Variants in PCCA observed in about 807,000 individuals in gnomAD.
PCCA encodes the protein propionyl-CoA carboxylase alpha chain, mitochondrial.
A neutral mutation model predicts 101.3 loss-of-function variants in PCCA; 74 were observed. That is an observed-to-expected ratio of 0.73 (90% CI 0.61 to 0.89). PCCA has a LOEUF of 0.89. Ranked by LOEUF, PCCA falls within the 40% of genes least tolerant of loss-of-function variation. The pLI is 0.00. For synonymous variants in PCCA, 294 were observed against 313.6 expected, an observed-to-expected ratio of 0.94 and a Z score of 0.66; for missense variants, 891 against 907.0, an observed-to-expected ratio of 0.98 and a Z score of 0.23.
chr13:100,318,934 A>G (rs1473010741), intron 16 of PCCA, among the ~76,000 whole-genome samples: 2 of 152,184 alleles, frequency 1.3e-5, no homozygotes, highest in East Asian at 1.9e-4. Flanking sequence ...TGGTTGAACT[A>G]GTTTACAGTC....
At chr13:100,427,009 C>A (rs1053726802) in intron 20 of PCCA, among the ~76,000 whole-genome samples, 2 of 152,102 alleles carry the variant, frequency 1.3e-5, no homozygotes, top group African/African-American at 4.8e-5. Context: ...TGAGGTGAAG[C>A]GTTCCAGACC....
At chr13:100,260,669 T>G (rs967799378) in intron 9 of PCCA, among the ~76,000 whole-genome samples, 4 of 152,092 alleles carry the variant, frequency 2.6e-5, no homozygotes, top group African/African-American at 9.7e-5. Flanking sequence ...AGTGCTTGGA[T>G]TACAGGTGTG....
intron 8 of PCCA, among the ~76,000 whole-genome samples, chr13:100,253,931 G>A (rs1285145480): frequency 6.8e-6 from 1 of 147,130 alleles, no homozygotes; most frequent in Non-Finnish European, 1.5e-5. Flanking sequence ...TTTGTATTTT[G>A]TTATGCTCTG....
At chr13:100,182,139 C>T (rs1316816922) in intron 6 of PCCA, among the ~76,000 whole-genome samples, 3 of 146,052 alleles carry the variant, frequency 2.1e-5, no homozygotes, top group African/African-American at 7.6e-5. Flanking sequence ...GCTCTGTTGC[C>T]CAGGCTGGAG....
intron 7 of PCCA, among the ~76,000 whole-genome samples, chr13:100,223,284 C>T (rs550765299): frequency 6.6e-6 from 1 of 152,284 alleles, no homozygotes; most frequent in East Asian, 1.9e-4. Context: ...GCCGCGGACC[C>T]TCGCGGTGAG....
At chr13:100,453,488 AAAGAAG>A (rs1027017283) in intron 21 of PCCA, among the ~76,000 whole-genome samples, 2 of 143,700 alleles carry the variant, frequency 1.4e-5, no homozygotes, top group African/African-American at 5.1e-5. Context: ...AAAAAAAAAA[AAAGAAG>A]AAGAAGAAAC....
chr13:100,496,485 G>A lies in PCCA; in HGVS notation c.1900-18942G>A, dbSNP rs557237971. ...CACAGTCAGGTTGTTACTCATTTTT[G>A]GCAGGAACGTAACGGTGGTGCTGCT... is the stretch of plus-strand genomic sequence containing the variant. On this transcript the variant is annotated intron_variant, in intron 21 of 23. Transcript: ENST00000376285. Among the ~76,000 whole-genome samples the A allele has an allele frequency of 1.3e-3, 192 of 151,878 alleles. 1 individual carries two copies. Among genetic ancestry groups the A allele is most frequent in the South Asian group, 2.5e-3 (12 of 4,790 alleles).
chr13:100,449,657 TTG>T (rs1270937438), intron 21 of PCCA, among the ~76,000 whole-genome samples: 1 of 152,154 alleles, frequency 6.6e-6, no homozygotes, highest in African/African-American at 2.4e-5. Context: ...CGGCTAATTT[TTG>T]TGTGTTTTTT....
chr13:100,414,456 A>G (rs1177764733), intron 19 of PCCA, among the ~76,000 whole-genome samples: 1 of 152,246 alleles, frequency 6.6e-6, no homozygotes, highest in African/African-American at 2.4e-5. Context: ...AAACTGTGTT[A>G]CAGTTTATAC....
At chr13:100,349,032 C>T (rs561898666) in intron 18 of PCCA, among the ~76,000 whole-genome samples, 7 of 151,958 alleles carry the variant, frequency 4.6e-5, no homozygotes, top group East Asian at 1.9e-4. Flanking sequence ...AGCCTCTGCC[C>T]GCTGGGCTCA....
At chr13:100,261,260 A>C (rs2062484921) in intron 9 of PCCA, among the ~76,000 whole-genome samples, 1 of 152,168 alleles carries the variant, frequency 6.6e-6, no homozygotes, top group Non-Finnish European at 1.5e-5. Context: ...AACTTTATTA[A>C]ATGTAAAGGA....
chr13:100,395,798 C>G (rs2077017330), intron 19 of PCCA, among the ~76,000 whole-genome samples: 1 of 152,122 alleles, frequency 6.6e-6, no homozygotes, highest in Non-Finnish European at 1.5e-5. Context: ...TGGTAATTAT[C>G]TTTTATATCA....
intron 21 of PCCA, among the ~76,000 whole-genome samples, chr13:100,513,368 T>C (rs2086621375): frequency 6.6e-6 from 1 of 152,208 alleles, no homozygotes; most frequent in East Asian, 1.9e-4. Context: ...TTAAGAACAA[T>C]AAACAAATAC....
At chr13:100,433,984 A>G (rs1321049139) in intron 20 of PCCA, among the ~76,000 whole-genome samples, 1 of 152,222 alleles carries the variant, frequency 6.6e-6, no homozygotes, top group Non-Finnish European at 1.5e-5. Context: ...GCCGTGTAAA[A>G]CTGATGGGAC....
chr13:100,231,842 G>T (rs193300552), intron 7 of PCCA, among the ~76,000 whole-genome samples: 1 of 152,230 alleles, frequency 6.6e-6, no homozygotes, highest in Non-Finnish European at 1.5e-5. Context: ...GAGTAGCTGG[G>T]ATTATAGGCC....
chr13:100,386,584 T>C (rs910799477), intron 19 of PCCA, among the ~76,000 whole-genome samples: 2 of 152,232 alleles, frequency 1.3e-5, no homozygotes, highest in Non-Finnish European at 2.9e-5. Flanking sequence ...GGTTTCACTG[T>C]GTTAGCCAGG....
chr13:100,253,706 T>A (rs779354943), intron 8 of PCCA, among the ~76,000 whole-genome samples: 1 of 152,102 alleles, frequency 6.6e-6, no homozygotes, highest in Non-Finnish European at 1.5e-5. Context: ...CAGAAGAGAA[T>A]AAGGAGTGGA....
intron 19 of PCCA, among the ~76,000 whole-genome samples, chr13:100,398,717 C>T (rs1179703963): frequency 6.6e-6 from 1 of 152,076 alleles, no homozygotes; most frequent in African/African-American, 2.4e-5. Context: ...AGTAATGACA[C>T]TAGATAGAAT....
At chr13:100,245,906 C>A (rs190519075) in intron 8 of PCCA, among the ~76,000 whole-genome samples, 2 of 152,178 alleles carry the variant, frequency 1.3e-5, no homozygotes, top group East Asian at 3.9e-4. Flanking sequence ...AATTTTGGGA[C>A]CAATACCTGA....
Sources: gnomAD v4.1 joint callset for allele counts (sites outside exome capture counted in the v4.1 genomes callset) on GRCh38, gnomAD v4.1.1 for gene constraint, MANE v1.5 for transcripts, NCBI Gene and HGNC (gene_info 2026-07-23, HGNC 2026-07-21) for gene names.